The following ANKS1B variants were observed in gnomAD, a reference collection of about 807,000 sequenced individuals.
ANKS1B encodes ankyrin repeat and sterile alpha motif domain-containing protein 1B.
In ANKS1B, 36 loss-of-function variants were observed where a neutral mutation model predicts 148.3. That is an observed-to-expected ratio of 0.24 (90% confidence interval 0.19 to 0.32). The LOEUF (loss-of-function observed/expected upper bound fraction) is 0.32. ANKS1B is among the 10% of genes least tolerant of loss of function. The pLI is 1.00. For missense variants in ANKS1B, 1,157 were observed against 1,542.6 expected, an observed-to-expected ratio of 0.75 and a Z score of 4.19; for synonymous variants, 542 against 560.8, an observed-to-expected ratio of 0.97 and a Z score of 0.47.
chr12:99,376,723 C>T (rs1306383463), intron 12 of ANKS1B, among the ~76,000 whole-genome samples: 1 of 152,142 alleles, frequency 6.6e-6, no homozygotes, highest in Non-Finnish European at 1.5e-5. Context: ...ACATGGATGC[C>T]TTGTAAATAC....
At chr12:99,727,881 C>T (rs758492806) in intron 8 of ANKS1B, among the ~76,000 whole-genome samples, 9 of 152,070 alleles carry the variant, frequency 5.9e-5, no homozygotes, top group Non-Finnish European at 1.3e-4. Flanking sequence ...CAAAAACAAA[C>T]AATAGGAAAA....
chr12:99,286,695 C>T (rs559828686), intron 12 of ANKS1B, among the ~76,000 whole-genome samples: 14 of 152,144 alleles, frequency 9.2e-5, no homozygotes, highest in Non-Finnish European at 1.6e-4. Context: ...GGGAGAGATC[C>T]AGGCCTGGCA....
intron 8 of ANKS1B, among the ~76,000 whole-genome samples, chr12:99,720,551 T>C (rs142382556): frequency 2.0e-5 from 3 of 152,320 alleles, no homozygotes; most frequent in African/African-American, 7.2e-5. Context: ...AACGGACTAA[T>C]GGTCTTTTAA....
intron 15 of ANKS1B, among the ~76,000 whole-genome samples, chr12:99,089,392 A>G (rs2053269566): frequency 6.6e-6 from 1 of 151,972 alleles, no homozygotes; most frequent in Non-Finnish European, 1.5e-5. Flanking sequence ...GTTAAGAATG[A>G]CCCCTCAATT....
At chr12:99,326,443 TGA>T (rs1275354165) in intron 12 of ANKS1B, among the ~76,000 whole-genome samples, 1 of 152,130 alleles carries the variant, frequency 6.6e-6, no homozygotes, top group Non-Finnish European at 1.5e-5. Flanking sequence ...GGCAATTTTG[TGA>T]GAGTTTCAAT....
chr12:99,821,885 T>G (rs1395888417), intron 2 of ANKS1B, among the ~76,000 whole-genome samples: 1 of 152,072 alleles, frequency 6.6e-6, no homozygotes, highest in Admixed American at 6.6e-5. Context: ...TCCTTTAAAA[T>G]ATTTAGATAT....
intron 10 of ANKS1B, among the ~76,000 whole-genome samples, chr12:99,446,425 C>T (rs1594933271): frequency 1.3e-5 from 2 of 152,006 alleles, no homozygotes; most frequent in African/African-American, 2.4e-5. Context: ...TATGTGCAGA[C>T]AAGCCATGTT....
chr12:99,847,094 C>T (rs1289027547), intron 1 of ANKS1B, among the ~76,000 whole-genome samples: 1 of 151,858 alleles, frequency 6.6e-6, no homozygotes. Flanking sequence ...AGCAAGGTCT[C>T]TCTCTTTTTT....
At chr12:99,080,414 G>A (rs2049293925) in intron 16 of ANKS1B, among the ~76,000 whole-genome samples, 1 of 152,194 alleles carries the variant, frequency 6.6e-6, no homozygotes, top group African/African-American at 2.4e-5. Flanking sequence ...ATGGGGAGAC[G>A]TTGAGTATAG....
intron 1 of ANKS1B, among the ~76,000 whole-genome samples, chr12:99,960,721 C>T (rs1393335425): frequency 6.6e-6 from 1 of 152,126 alleles, no homozygotes; most frequent in Non-Finnish European, 1.5e-5. Flanking sequence ...CAAATGGGTT[C>T]CTCGCTAATC....
intron 8 of ANKS1B, among the ~76,000 whole-genome samples, 164 bp from the exon 9 acceptor site, chr12:99,655,374 T>A (rs2098445060): frequency 6.6e-6 from 1 of 152,128 alleles, no homozygotes; most frequent in African/African-American, 2.4e-5. Flanking sequence ...TAAAAATATG[T>A]ATAGTCCAAC....
At chr12:99,919,221 T>A (rs1250277010) in intron 1 of ANKS1B, among the ~76,000 whole-genome samples, 3 of 152,120 alleles carry the variant, frequency 2.0e-5, no homozygotes, top group African/African-American at 4.8e-5. Context: ...AGTCAGACAA[T>A]CCCAGTTTTG....
In ANKS1B at chr12:99,761,726, G is replaced by A. The variant is rs571023839; in HGVS notation, c.1128+11196C>T. ...CATCATGCAAGAGGAATAAATAAAAGGCATCCAAATGGAAAACAAAAATTC... is the reference window on the plus strand; with the variant it reads ...CATCATGCAAGAGGAATAAATAAAAAGCATCCAAATGGAAAACAAAAATTC... On this transcript the variant is annotated intron_variant, in intron 8 of 26. Transcript: ENST00000683438. Among the ~76,000 whole-genome samples the A allele has an allele frequency of 1.4e-3, 214 of 151,948 alleles. 2 individuals carry two copies. The highest frequency in any genetic ancestry group is 0.01 in the Middle Eastern group (3 of 294).
intron 9 of ANKS1B, among the ~76,000 whole-genome samples, chr12:99,622,211 C>T (rs1239595919): frequency 1.3e-5 from 2 of 151,870 alleles, no homozygotes; most frequent in African/African-American, 4.8e-5. Context: ...ACAGACACAA[C>T]ATACCAAAAT....
At position 99,380,336 on chromosome 12, in the gene ANKS1B, TG is replaced by T. The variant is rs2093587728; in HGVS notation, c.1756+19294del. Among the ~76,000 whole-genome samples the T allele has an allele frequency of 2.0e-5, 3 of 152,358 alleles. No individual in the cohort carries two copies. In the South Asian group the frequency reaches 6.2e-4, roughly 32 times the overall value. On this transcript the variant is annotated intron_variant, in intron 12 of 26. Transcript: ENST00000683438. The stretch of plus-strand genomic sequence containing the variant: ...GGTGCTTCTTTTCATTCTTGCAGGC[TG>T]ACACCTACAAAATATATTTTGTTAG...
chr12:98,850,966 C>T (rs1236983621), intron 17 of ANKS1B, among the ~76,000 whole-genome samples: 1 of 152,098 alleles, frequency 6.6e-6, no homozygotes, highest in African/African-American at 2.4e-5. Flanking sequence ...AGGAAGAGGG[C>T]TTATTAAAGA....
At position 99,425,688 on chromosome 12, in the gene ANKS1B, T is replaced by C. The variant is rs1391956503; in HGVS notation, c.1575+17985A>G. 6.6e-5 allele frequency among the ~76,000 whole-genome samples: 10 copies of C among 151,994 alleles called. No individual in the cohort carries two copies. The East Asian group carries it at 1.7e-3, about 26-fold the overall frequency. ...CCTTGATATTCAGCGCCATTAATCA[T>C]TTTTCCTTTTATTTATTATTATTCT... On this transcript the variant is annotated intron_variant, in intron 11 of 26. Coordinates refer to ENST00000683438, the MANE Select transcript of ANKS1B (RefSeq NM_001352186.2).
intron 17 of ANKS1B, among the ~76,000 whole-genome samples, chr12:98,936,050 T>C (rs2099818314): frequency 6.6e-6 from 1 of 152,238 alleles, no homozygotes; most frequent in Non-Finnish European, 1.5e-5. Flanking sequence ...GCAAGAATGA[T>C]GAAATTATAT....
At chr12:99,695,684 A>G (rs2053785179) in intron 8 of ANKS1B, among the ~76,000 whole-genome samples, 1 of 152,112 alleles carries the variant, frequency 6.6e-6, no homozygotes, top group South Asian at 2.1e-4. Flanking sequence ...AACAATGAGA[A>G]TACACGGACA....
Sources: gnomAD v4.1 joint callset for allele counts (sites outside exome capture counted in the v4.1 genomes callset) on GRCh38, gnomAD v4.1.1 for gene constraint, MANE v1.5 for transcripts, NCBI Gene and HGNC (gene_info 2026-07-23, HGNC 2026-07-21) for gene names.